Variants in ZNF45 observed in about 807,000 individuals in gnomAD.
ZNF45 encodes BRC1744.
Under a neutral mutation model 12.0 loss-of-function variants are expected in ZNF45, and 4 were observed. That is an observed-to-expected ratio of 0.33 (90% CI 0.16 to 0.76). The LOEUF (loss-of-function observed/expected upper bound fraction) is 0.76. Among genes scored for constraint, ZNF45 ranks in the 30% least tolerant of loss-of-function variants. The pLI, the probability that ZNF45 is intolerant of heterozygous loss-of-function variation, is 0.60. For synonymous variants in ZNF45, 272 were observed against 279.6 expected (o/e 0.97, Z 0.27); for missense variants, 700 against 813.0 (o/e 0.86, Z 1.69).
intron 3 of ZNF45, among the ~76,000 whole-genome samples, chr19:43,928,168 C>T (rs562827422): frequency 4.7e-5 from 5 of 105,408 alleles, no homozygotes; most frequent in Non-Finnish European, 7.1e-5. Flanking sequence ...GCAACAAGAG[C>T]GAAACTCTGT....
chr19:43,928,174 T>C, intron 3 of ZNF45, among the ~76,000 whole-genome samples: 1 of 110,830 alleles, frequency 9.0e-6, no homozygotes, highest in Admixed American at 1.2e-4. Context: ...AGAGCGAAAC[T>C]CTGTCTCAAA....
intron 9 of ZNF45, among the ~76,000 whole-genome samples, chr19:43,916,042 C>G (rs1972641056): frequency 6.6e-6 from 1 of 152,164 alleles, no homozygotes; most frequent in African/African-American, 2.4e-5. Context: ...TGGTCTCAAT[C>G]TCCTGACCTC....
In ZNF45 at chr19:43,914,392, A is replaced by G. The variant is rs425221; in HGVS notation, c.1044T>C (p.Asn348=). The change falls in exon 10 of 10, where the codon AAT becomes AAC. Residue 348 remains asparagine, a synonymous_variant. Transcript: ENST00000269973. Reference sequence around the variant, plus strand: ...CTCCTGTGTGGATTCTACAATGAATATTAAGGTGTGAGCTGTAACTAAAGC... The same window carrying G: ...CTCCTGTGTGGATTCTACAATGAATGTTAAGGTGTGAGCTGTAACTAAAGC... ...GKSFSYSSHL[N]IHCRIHTGEK... The G allele has an allele frequency of 0.5, 811,603 of 1,609,894 alleles. 209,821 individuals are homozygous for G. Among genetic ancestry groups the G allele is most frequent in the East Asian group, 0.83 (37,235 of 44,810 alleles).
At chr19:43,917,871 G>C (rs1321547135) in intron 9 of ZNF45, among the ~76,000 whole-genome samples, 1 of 152,136 alleles carries the variant, frequency 6.6e-6, no homozygotes, top group Non-Finnish European at 1.5e-5. Context: ...ATTTTGCCCA[G>C]GTTATAATGT....
At chr19:43,918,528 C>G (rs1167769641) in intron 9 of ZNF45, among the ~76,000 whole-genome samples, 1 of 152,170 alleles carries the variant, frequency 6.6e-6, no homozygotes, top group Non-Finnish European at 1.5e-5. Context: ...AAAGAAGGTG[C>G]TGTCATTGGA....
intron 9 of ZNF45, among the ~76,000 whole-genome samples, chr19:43,918,067 G>T (rs1353493676): frequency 6.6e-6 from 1 of 152,166 alleles, no homozygotes; most frequent in African/African-American, 2.4e-5. Flanking sequence ...AAAATGATAA[G>T]TAATATTCTT....
At position 43,914,623 on chromosome 19, in the gene ZNF45, CGTAT is replaced by C; in HGVS notation, c.809_812del (p.His270ArgfsTer25). 6.2e-7 allele frequency: 1 copy of C among 1,613,632 alleles called. No homozygotes were observed. Among genetic ancestry groups the C allele is most frequent in the Non-Finnish European group, 8.5e-7 (1 of 1,179,844 alleles). ...CCTCACATTTATAGGGTTTCTCTCCCGTATGAACTATCAGAGGAGCTTGACAATG... is the reference window on the plus strand; with the variant it reads ...CCTCACATTTATAGGGTTTCTCTCCCGAACTATCAGAGGAGCTTGACAATG... On this transcript the variant is annotated frameshift_variant, in exon 10 of 10. Coordinates refer to ENST00000269973, the MANE Select transcript of ZNF45 (RefSeq NM_003425.4). LOFTEE classifies it low-confidence loss of function (END_TRUNC).
chr19:43,921,981 A>G (rs1973222627), intron 7 of ZNF45, among the ~76,000 whole-genome samples, 190 bp downstream of exon 7: 2 of 152,238 alleles, frequency 1.3e-5, no homozygotes, highest in Admixed American at 6.5e-5. Context: ...TATTTATCAA[A>G]TTATAAAGTC....
intron 7 of ZNF45, among the ~76,000 whole-genome samples, chr19:43,920,071 C>T (rs1002785737): frequency 2.0e-5 from 3 of 152,084 alleles, no homozygotes; most frequent in African/African-American, 7.2e-5. Flanking sequence ...ATTTTCCATA[C>T]CATAGATAAC....
At position 43,932,637 on chromosome 19, in the gene ZNF45, T is replaced by A. The variant is rs1277178436; in HGVS notation, c.-433A>T. 1 of 152,164 alleles carries A rather than the reference T, an allele frequency of 6.6e-6. No homozygotes were observed. Among genetic ancestry groups the A allele is most frequent in the Non-Finnish European group, 1.5e-5 (1 of 68,034 alleles). 9.4% of individuals were successfully genotyped at this position (152,164 alleles called of 1,614,324 possible). A position where few individuals can be genotyped will look rare whatever the true frequency, so the allele number is the denominator to read the frequency against. On this transcript the variant is annotated 5_prime_UTR_variant, in exon 3 of 10. Coordinates refer to ENST00000269973, the MANE Select transcript of ZNF45 (RefSeq NM_003425.4). ...TAACTCCTCTTTGCAAACCTCTTGC[T>A]GGGTACTCTTGAGAAGAATATGATA...
chr19:43,918,871 TGAG>T lies in ZNF45; in HGVS notation c.231_233del (p.Ser78del). 6.2e-7 allele frequency: 1 copy of T among 1,613,632 alleles called. No individual in the cohort carries two copies. Among genetic ancestry groups the T allele is most frequent in the Non-Finnish European group, 8.5e-7 (1 of 1,179,558 alleles). On this transcript the variant is annotated inframe_deletion and splice_region_variant, in exon 9 of 10. Coordinates refer to ENST00000269973, the MANE Select transcript of ZNF45 (RefSeq NM_003425.4). Reference sequence around the variant, plus strand: ...CCAGCAGCCCCAGCCCCTCCTCACCTGAGGAGTTATCTCTCTGGGTTGCCATCT... The same window carrying T: ...CCAGCAGCCCCAGCCCCTCCTCACCTGAGTTATCTCTCTGGGTTGCCATCT...
chr19:43,923,239 G>T (rs557013690), intron 6 of ZNF45, among the ~76,000 whole-genome samples: 1 of 152,076 alleles, frequency 6.6e-6, no homozygotes, highest in African/African-American at 2.4e-5. Flanking sequence ...TTTTGCAATA[G>T]TATTTAAGAT....
intron 3 of ZNF45, among the ~76,000 whole-genome samples, chr19:43,925,770 G>A (rs915359100): frequency 2.0e-5 from 3 of 151,998 alleles, no homozygotes; most frequent in East Asian, 1.9e-4. Context: ...ATGGGCACCC[G>A]CCACCATTCC....
At chr19:43,932,161 C>T (rs1974186201) in intron 3 of ZNF45, among the ~76,000 whole-genome samples, 1 of 152,124 alleles carries the variant, frequency 6.6e-6, no homozygotes, top group Non-Finnish European at 1.5e-5. Context: ...CATGCCAAAA[C>T]CCCGTCTCTA....
intron 3 of ZNF45, chr19:43,926,605 C>T (rs1423952785): frequency 3.3e-5 from 5 of 152,234 alleles, no homozygotes; most frequent in South Asian, 4.1e-4. Flanking sequence ...AAGATGCTCA[C>T]AGTCTAGTGA....
intron 2 of ZNF45, among the ~76,000 whole-genome samples, chr19:43,933,340 G>T (rs1457715367): frequency 1.3e-5 from 2 of 152,054 alleles, no homozygotes. Flanking sequence ...GTGGTGACGG[G>T]CACCTGTAAA....
rs755438091 is a variant in ZNF45, at chr19:43,914,929, A to C, written c.507T>G (p.Cys169Trp). The change falls in exon 10 of 10, where the codon TGT becomes TGG. Residue 169 changes from cysteine (C) to tryptophan (W), a missense_variant. Physicochemically the swap from Cys to Trp is radical, Grantham distance 215 (BLOSUM62 -2). Coordinates refer to ENST00000269973, the MANE Select transcript of ZNF45 (RefSeq NM_003425.4). ...GAGAGCTCCAGCTGAAACTTTTCAC[A>C]CAATGTTCTCCTTTGTAGGGTTTTT... is the stretch of plus-strand genomic sequence containing the variant. Reference protein sequence around the residue: ...TGEKPYKGEHCVKSFSWSSHL... With the variant: ...TGEKPYKGEHWVKSFSWSSHL... The C allele has an allele frequency of 1.2e-6, 2 of 1,612,724 alleles. No individual in the cohort carries two copies. The highest frequency in any genetic ancestry group is 2.2e-5 in the South Asian group (2 of 91,060).
chr19:43,913,357 CA>C lies in ZNF45; in HGVS notation c.*29del. The C allele has an allele frequency of 2.0e-6, 3 of 1,519,746 alleles. No individual in the cohort carries two copies. The South Asian group carries it at 4.0e-5, about 20-fold the overall frequency. The allele number at this position is 1,519,746 out of a possible 1,614,324, so 94.1% of individuals were successfully genotyped here. Reference sequence around the variant, plus strand: ...GATAGCTCTGATTATTAAAATATTTCAGCACCCATCTGAGATAGTAAAACAT... The same window carrying C: ...GATAGCTCTGATTATTAAAATATTTCGCACCCATCTGAGATAGTAAAACAT... On this transcript the variant is annotated 3_prime_UTR_variant, in exon 10 of 10. Coordinates refer to ENST00000269973, the MANE Select transcript of ZNF45 (RefSeq NM_003425.4).
chr19:43,932,013 G>A (rs1237285781), intron 3 of ZNF45, among the ~76,000 whole-genome samples: 5 of 152,174 alleles, frequency 3.3e-5, no homozygotes, highest in Admixed American at 3.3e-4. Flanking sequence ...ACAAATGTCA[G>A]CAGTCCTCAT....
Sources: gnomAD v4.1 joint callset for allele counts (sites outside exome capture counted in the v4.1 genomes callset) on GRCh38, gnomAD v4.1.1 for gene constraint, MANE v1.5 for transcripts, NCBI Gene and HGNC (gene_info 2026-07-23, HGNC 2026-07-21) for gene names.